NSUN4: variants seen among roughly 807,000 people sequenced by gnomAD.
NSUN4 encodes the protein 5-cytosine rRNA methyltransferase NSUN4.
In NSUN4, 31 loss-of-function variants were observed where a neutral mutation model predicts 43.8. The observed-to-expected ratio is 0.71, with a 90% CI of 0.53 to 0.96. NSUN4 has a LOEUF of 0.96. NSUN4 is among the 40% of genes least tolerant of loss of function. NSUN4 has a pLI of 0.00. For synonymous variants in NSUN4, 167 were observed against 184.1 expected (o/e 0.91, Z 0.75); for missense variants, 439 against 475.6 (o/e 0.92, Z 0.72).
intron 4 of NSUN4, among the ~76,000 whole-genome samples, chr1:46,360,145 C>T (rs1016000567): frequency 1.2e-4 from 17 of 143,548 alleles, no homozygotes; most frequent in Non-Finnish European, 1.5e-4. Context: ...AGGAGAATGG[C>T]GTAAACCCGG....
the NSUN4 span, among the ~76,000 whole-genome samples, chr1:46,375,672 G>A: frequency 6.9e-6 from 1 of 144,476 alleles, no homozygotes; most frequent in Admixed American, 7.2e-5. Flanking sequence ...GGCAGGCAGA[G>A]GTTCTAGTGA....
intron 3 of NSUN4, among the ~76,000 whole-genome samples, chr1:46,351,681 T>TTTG (rs1557740209): frequency 1.2e-4 from 15 of 127,482 alleles, no homozygotes; most frequent in Non-Finnish European, 1.8e-4. Context: ...TTTTTTTTTT[T>TTTG]TGAGATGGAG....
intron 1 of NSUN4, chr1:46,343,174 A>G (rs1248620078): frequency 8.0e-6 from 3 of 374,392 alleles, no homozygotes; most frequent in East Asian, 3.7e-5. Flanking sequence ...GGCTCCCTCA[A>G]TCATTCGACA....
chr1:46,372,784 A>C, the NSUN4 span, among the ~76,000 whole-genome samples: 2 of 152,116 alleles, frequency 1.3e-5, no homozygotes, highest in African/African-American at 4.8e-5. Context: ...GTGCAATGAC[A>C]TGATCTCAGT....
At chr1:46,341,437 C>A in intron 1 of NSUN4, 3 of 1,008,694 alleles carry the variant, frequency 3.0e-6, no homozygotes, top group Non-Finnish European at 3.5e-6. Context: ...CTGCCTCTGG[C>A]GACCGGGCAA....
chr1:46,366,166 G>A (rs1245861329), downstream of NSUN4, among the ~76,000 whole-genome samples: 2 of 152,094 alleles, frequency 1.3e-5, no homozygotes, highest in Non-Finnish European at 2.9e-5. Flanking sequence ...TCTAGTGGAT[G>A]TATCTTGATA....
intron 4 of NSUN4, among the ~76,000 whole-genome samples, chr1:46,360,436 A>C (rs1249479015): frequency 2.2e-5 from 3 of 137,110 alleles, no homozygotes; most frequent in African/African-American, 7.8e-5. Flanking sequence ...TGTCTCTAAA[A>C]ATTAAAAAAA....
At chr1:46,378,460 ATGT>A in the NSUN4 span, among the ~76,000 whole-genome samples, 2 of 152,038 alleles carry the variant, frequency 1.3e-5, no homozygotes, top group African/African-American at 4.8e-5. Flanking sequence ...GCCTCCCAAA[ATGT>A]TGGGATTACA....
chr1:46,343,678 G>A (rs1569733832), intron 1 of NSUN4: 3 of 399,996 alleles, frequency 7.5e-6, no homozygotes, highest in East Asian at 3.6e-5. Flanking sequence ...AGCTGGGGCC[G>A]GAGCAGTAAT....
rs561143793 is a variant in NSUN4, at chr1:46,359,612, G to A, written c.754-1092G>A. On this transcript the variant is annotated intron_variant, in intron 4 of 5. Coordinates refer to ENST00000474844, the MANE Select transcript of NSUN4 (RefSeq NM_199044.4). ...GGCGCCCAGGCTGGAGTGCAATGGC[G>A]CGATCTTGGCTCACTGCAACCTCTG... Among the ~76,000 whole-genome samples the A allele has an allele frequency of 1.4e-4, 21 of 145,406 alleles. 1 individual carries two copies. In the South Asian group the frequency reaches 2.6e-3, roughly 18 times the overall value.
chr1:46,371,241 C>T, the NSUN4 span, among the ~76,000 whole-genome samples: 1 of 151,598 alleles, frequency 6.6e-6, no homozygotes, highest in Non-Finnish European at 1.5e-5. Flanking sequence ...AATTATCCTG[C>T]CTCAGCCTTT....
chr1:46,357,906 A>G (rs1663496477), intron 4 of NSUN4, among the ~76,000 whole-genome samples: 1 of 152,110 alleles, frequency 6.6e-6, no homozygotes, highest in South Asian at 2.1e-4. Context: ...GCTCTGTCAA[A>G]TTATTATCAT....
At chr1:46,355,523 T>C (rs1458773765) in intron 4 of NSUN4, among the ~76,000 whole-genome samples, 4 of 152,198 alleles carry the variant, frequency 2.6e-5, no homozygotes, top group Non-Finnish European at 4.4e-5. Context: ...GAAAATTAAA[T>C]AAGAATGCAT....
At chr1:46,347,604 G>A (rs1662608300) in intron 3 of NSUN4, among the ~76,000 whole-genome samples, 1 of 152,088 alleles carries the variant, frequency 6.6e-6, no homozygotes. Flanking sequence ...ATTGAAGTAG[G>A]GCTCTGATCA....
At chr1:46,368,576 T>C (rs1202235959), downstream of NSUN4, among the ~76,000 whole-genome samples, 1 of 152,166 alleles carries the variant, frequency 6.6e-6, no homozygotes, top group Non-Finnish European at 1.5e-5. Context: ...CCAAACAGCA[T>C]GAGTGACCCC....
At chr1:46,348,808 G>GTTTTTTTTTT (rs869234807) in intron 3 of NSUN4, among the ~76,000 whole-genome samples, 1 of 77,842 alleles carries the variant, frequency 1.3e-5, no homozygotes, top group Admixed American at 2.0e-4. Context: ...CTTGTGCACT[G>GTTTTTTTTTT]TTTTTTTTTT....
the NSUN4 span, among the ~76,000 whole-genome samples, chr1:46,374,243 A>G: frequency 0.99 from 137,620 of 139,308 alleles, 67,975 homozygotes; most frequent in East Asian, 1. Context: ...CCGAGATCGC[A>G]CCATTGCACT....
At chr1:46,366,032 G>T (rs1227444118), downstream of NSUN4, among the ~76,000 whole-genome samples, 1 of 152,104 alleles carries the variant, frequency 6.6e-6, no homozygotes, top group Non-Finnish European at 1.5e-5. Context: ...GGAGACTAAG[G>T]CATGAGAATC....
chr1:46,379,529 C>T, the NSUN4 span, among the ~76,000 whole-genome samples: 8 of 152,224 alleles, frequency 5.3e-5, no homozygotes, highest in East Asian at 1.9e-4. Flanking sequence ...ACAGGAGAAT[C>T]GCTTGAACTT....
Sources: gnomAD v4.1 joint callset for allele counts (sites outside exome capture counted in the v4.1 genomes callset) on GRCh38, gnomAD v4.1.1 for gene constraint, MANE v1.5 for transcripts, NCBI Gene and HGNC (gene_info 2026-07-23, HGNC 2026-07-21) for gene names.